Variants in ITGA9 observed in about 807,000 individuals in gnomAD.
ITGA9 encodes the protein integrin alpha-9.
Under a neutral mutation model 127.8 loss-of-function variants are expected in ITGA9, and 56 were observed. The observed-to-expected ratio is 0.44, with a 90% confidence interval of 0.35 to 0.55. The LOEUF is 0.55. Ranked by LOEUF, ITGA9 falls within the 20% of genes least tolerant of loss-of-function variation. The pLI, the probability that ITGA9 is intolerant of heterozygous loss-of-function variation, is 0.00. For synonymous variants in ITGA9, 508 were observed against 514.5 expected, an observed-to-expected ratio of 0.99 and a Z score of 0.17; for missense variants, 1,196 against 1,347.1, an observed-to-expected ratio of 0.89 and a Z score of 1.76.
At chr3:37,574,012 T>A (rs1699627675) in intron 15 of ITGA9, among the ~76,000 whole-genome samples, 1 of 152,186 alleles carries the variant, frequency 6.6e-6, no homozygotes, top group African/African-American at 2.4e-5. Flanking sequence ...CTTTTAAAGA[T>A]TTATTTATAT....
intron 5 of ITGA9, among the ~76,000 whole-genome samples, chr3:37,498,664 CAG>C (rs1194690489): frequency 8.5e-5 from 13 of 152,134 alleles, no homozygotes; most frequent in Admixed American, 7.2e-4. Flanking sequence ...GGTGGGTGTA[CAG>C]AGTGTCCGGG....
chr3:37,598,780 A>G (rs1051465919), intron 15 of ITGA9, among the ~76,000 whole-genome samples: 2 of 152,178 alleles, frequency 1.3e-5, no homozygotes, highest in African/African-American at 2.4e-5. Flanking sequence ...AAGCAACTGA[A>G]GTAGGGGAAG....
intron 15 of ITGA9, among the ~76,000 whole-genome samples, chr3:37,553,547 C>T (rs1278116955): frequency 1.3e-5 from 2 of 152,230 alleles, no homozygotes; most frequent in African/African-American, 4.8e-5. Context: ...TATTTAAAAA[C>T]ATATACATCC....
chr3:37,536,059 C>T (rs1235394706), intron 14 of ITGA9, among the ~76,000 whole-genome samples: 1 of 152,180 alleles, frequency 6.6e-6, no homozygotes, highest in African/African-American at 2.4e-5. Context: ...GCAAGGAAGG[C>T]AGCCTCTTGG....
At chr3:37,779,831 A>G (rs1490218652) in intron 24 of ITGA9, 71 bp from the exon 25 acceptor site, 15 of 1,504,836 alleles carry the variant, frequency 1.0e-5, no homozygotes, top group Non-Finnish European at 1.4e-5. Flanking sequence ...GGAGCCCACT[A>G]CTCTGTAAAT....
intron 15 of ITGA9, among the ~76,000 whole-genome samples, chr3:37,572,236 C>T (rs1699609281): frequency 6.6e-6 from 1 of 152,064 alleles, no homozygotes; most frequent in South Asian, 2.1e-4. Flanking sequence ...TTCTGTCTTT[C>T]CCTTTGTTTC....
intron 14 of ITGA9, among the ~76,000 whole-genome samples, chr3:37,535,946 G>A (rs1276931741): frequency 6.6e-6 from 1 of 152,140 alleles, no homozygotes; most frequent in Non-Finnish European, 1.5e-5. Flanking sequence ...TTTGGGGAGG[G>A]AAAAATGGGC....
At chr3:37,748,675 G>A in intron 22 of ITGA9, 1 of 533,264 alleles carries the variant, frequency 1.9e-6, no homozygotes, top group Non-Finnish European at 3.3e-6. Flanking sequence ...TCGAATCCAG[G>A]AGGTGGAAGT....
intron 4 of ITGA9, among the ~76,000 whole-genome samples, chr3:37,487,479 G>A (rs1362050726): frequency 1.3e-5 from 2 of 152,162 alleles, no homozygotes; most frequent in South Asian, 2.1e-4. Flanking sequence ...CATGTATTAC[G>A]TGGAATTATA....
Position 37,523,554 on chromosome 3 carries a change from C to T in ITGA9, c.1270C>T (p.Arg424Trp), listed in dbSNP as rs765270468. Residue 424 changes from arginine (R) to tryptophan (W), a missense_variant, in exon 12 of 28, where the codon CGG (arginine) becomes TGG (tryptophan). Coordinates refer to ENST00000264741, the MANE Select transcript of ITGA9 (RefSeq NM_002207.3). ...TGGGCAGAAGATAAATCCAGTGCTC[C>T]GGATGTTTGGTCAGTCCATATCGGG... is the stretch of plus-strand genomic sequence containing the variant. ...LSGQKINPVL[R>W]MFGQSISGGI... is the part of the protein sequence containing the mutation. 1.1e-5 allele frequency: 18 copies of T among 1,613,760 alleles called. No individual in the cohort carries two copies. The Admixed American group carries it at 1.3e-4, about 12-fold the overall frequency.
chr3:37,530,176 A>G (rs1699135387), intron 13 of ITGA9, among the ~76,000 whole-genome samples: 2 of 152,220 alleles, frequency 1.3e-5, no homozygotes, highest in Non-Finnish European at 2.9e-5. Flanking sequence ...GGATGTCTGC[A>G]GGGGCAGCCG....
At chr3:37,805,210 G>A (rs745947356) in intron 27 of ITGA9, among the ~76,000 whole-genome samples, 2 of 151,688 alleles carry the variant, frequency 1.3e-5, no homozygotes, top group Non-Finnish European at 2.9e-5. Context: ...ACAATGCCTG[G>A]CTCATTTTTT....
At chr3:37,785,161 G>T (rs1697024771) in intron 26 of ITGA9, 83 bp downstream of exon 26, 2 of 951,264 alleles carry the variant, frequency 2.1e-6, no homozygotes, top group East Asian at 4.8e-5. Flanking sequence ...GAATTTGAGG[G>T]TCAAGACAGT....
intron 18 of ITGA9, among the ~76,000 whole-genome samples, chr3:37,698,445 T>G (rs1700911720): frequency 6.6e-6 from 1 of 152,248 alleles, no homozygotes; most frequent in Non-Finnish European, 1.5e-5. Flanking sequence ...GCCTAGGTTT[T>G]CTTCTAGGGT....
At chr3:37,658,263 G>T (rs1700497296) in intron 17 of ITGA9, among the ~76,000 whole-genome samples, 1 of 151,458 alleles carries the variant, frequency 6.6e-6, no homozygotes, top group Admixed American at 6.6e-5. Flanking sequence ...TCTGTCTCAT[G>T]ATCTAATATT....
intron 15 of ITGA9, among the ~76,000 whole-genome samples, chr3:37,614,005 T>C (rs1464050936): frequency 1.3e-5 from 2 of 152,220 alleles, no homozygotes; most frequent in Non-Finnish European, 2.9e-5. Flanking sequence ...GTTGTTGCCA[T>C]TGCTTTTGGT....
intron 4 of ITGA9, among the ~76,000 whole-genome samples, chr3:37,484,317 T>G (rs1214397073): frequency 1.3e-5 from 2 of 152,150 alleles, no homozygotes; most frequent in Non-Finnish European, 2.9e-5. Flanking sequence ...ATGCTGAGTA[T>G]TTTTCTAGAA....
intron 15 of ITGA9, among the ~76,000 whole-genome samples, chr3:37,545,104 G>T (rs974978320): frequency 1.3e-5 from 2 of 152,166 alleles, no homozygotes; most frequent in Non-Finnish European, 2.9e-5. Context: ...GTGGCAGCCG[G>T]GCCACCTCCT....
At position 37,454,158 on chromosome 3, in the gene ITGA9, C is replaced by T. The variant is rs148101748; in HGVS notation, c.185+1599C>T. On this transcript the variant is annotated intron_variant, in intron 1 of 27. Coordinates refer to ENST00000264741, the MANE Select transcript of ITGA9 (RefSeq NM_002207.3). ...GCGGGCAGCTGAGCAGGCAGCCAAG[C>T]CAGCCGGAGCATTGTGTGTGATCTG... 6.8e-4 allele frequency among the ~76,000 whole-genome samples: 103 copies of T among 152,316 alleles called. No individual in the cohort carries two copies. In the East Asian group the frequency reaches 0.011, roughly 17 times the overall value.
Sources: allele counts gnomAD v4.1 joint callset (sites outside exome capture counted in the v4.1 genomes callset), GRCh38; gene constraint gnomAD v4.1.1; transcripts MANE v1.5; gene names NCBI Gene and HGNC (gene_info 2026-07-23, HGNC 2026-07-21).